Variants in CPNE4 observed in about 807,000 individuals in gnomAD.
CPNE4 encodes the protein copine 4, also known as copine-4.
A neutral mutation model predicts 67.9 loss-of-function variants in CPNE4; 25 were observed. The ratio of observed to expected loss-of-function variants is 0.37; its 90% CI spans 0.27 to 0.51. CPNE4 has a LOEUF of 0.51. Among genes scored for constraint, CPNE4 ranks in the 20% least tolerant of loss-of-function variants. The pLI, the probability that CPNE4 is intolerant of heterozygous loss-of-function variation, is 0.93. For synonymous variants in CPNE4, 242 were observed against 244.9 expected (o/e 0.99, Z 0.11); for missense variants, 464 against 690.8 (o/e 0.67, Z 3.68).
chr3:131,778,678 A>G (rs1477153197), intron 2 of CPNE4, among the ~76,000 whole-genome samples: 1 of 152,080 alleles, frequency 6.6e-6, no homozygotes, highest in African/African-American at 2.4e-5. Flanking sequence ...GGTAGCCCAG[A>G]CACTGTGAAC....
chr3:131,615,899 A>T (rs1462354658), intron 7 of CPNE4, among the ~76,000 whole-genome samples: 12 of 99,198 alleles, frequency 1.2e-4, no homozygotes, highest in Admixed American at 2.6e-4. Context: ...TCTCACACAC[A>T]CACACACACA....
chr3:131,726,159 A>C (rs968775450), intron 2 of CPNE4, among the ~76,000 whole-genome samples: 1 of 152,230 alleles, frequency 6.6e-6, no homozygotes, highest in African/African-American at 2.4e-5. Flanking sequence ...CAGGTGATGG[A>C]AACTCTAGTC....
At chr3:131,702,146 T>C (rs746128484) in intron 3 of CPNE4, among the ~76,000 whole-genome samples, 1 of 152,102 alleles carries the variant, frequency 6.6e-6, no homozygotes, top group Non-Finnish European at 1.5e-5. Context: ...AGAGAAAATA[T>C]TTCTGTAAAA....
At chr3:131,774,339 GAA>G (rs5852644) in intron 2 of CPNE4, among the ~76,000 whole-genome samples, 25 of 143,652 alleles carry the variant, frequency 1.7e-4, no homozygotes, top group African/African-American at 5.7e-4. Flanking sequence ...AAAACGGTAA[GAA>G]AAAAAAAAAA....
chr3:131,617,539 A>T (rs1940224772), intron 7 of CPNE4, among the ~76,000 whole-genome samples: 1 of 152,218 alleles, frequency 6.6e-6, no homozygotes, highest in African/African-American at 2.4e-5. Context: ...TTCAATAAAT[A>T]ATTTATTTGA....
Position 131,905,147 on chromosome 3 carries a change from T to A in CPNE4, c.180+117A>T. 9 of 886,568 alleles carry A rather than the reference T, an allele frequency of 1.0e-5. No homozygotes were observed. The South Asian group carries it at 1.5e-4, about 15-fold the overall frequency. The allele number at this position is 886,568 out of a possible 1,614,324, so 54.9% of individuals were successfully genotyped here. A position where few individuals can be genotyped will look rare whatever the true frequency, so the allele number is the denominator to read the frequency against. On this transcript the variant is annotated intron_variant, in intron 2 of 15. Transcript: ENST00000429747. Reference sequence around the variant, plus strand: ...ACATCATGATAGAAATGTGATCATATTCACTTCTCAAATTTCTTATTTCAT... The same window carrying A: ...ACATCATGATAGAAATGTGATCATAATCACTTCTCAAATTTCTTATTTCAT...
At chr3:131,821,341 G>A (rs979339743) in intron 2 of CPNE4, among the ~76,000 whole-genome samples, 25 of 152,314 alleles carry the variant, frequency 1.6e-4, no homozygotes, top group Non-Finnish European at 3.5e-4. Flanking sequence ...AGAAGGCTGG[G>A]GAAATGAGTT....
intron 7 of CPNE4, among the ~76,000 whole-genome samples, chr3:131,642,588 A>T (rs976981248): frequency 1.3e-5 from 2 of 152,210 alleles, no homozygotes; most frequent in Non-Finnish European, 2.9e-5. Flanking sequence ...TGTAGTTCCC[A>T]TAATCCCCAC....
intron 2 of CPNE4, among the ~76,000 whole-genome samples, chr3:131,902,568 T>A (rs1374634195): frequency 6.6e-6 from 1 of 152,128 alleles, no homozygotes; most frequent in African/African-American, 2.4e-5. Context: ...TTATGCAGCT[T>A]TGAAATTACA....
At chr3:131,701,136 C>T (rs1463427738) in intron 3 of CPNE4, among the ~76,000 whole-genome samples, 1 of 150,818 alleles carries the variant, frequency 6.6e-6, no homozygotes, top group Non-Finnish European at 1.5e-5. Context: ...GGAGATATAC[C>T]TAATGTAAAT....
At chr3:131,614,795 A>T (rs1361627868) in intron 7 of CPNE4, among the ~76,000 whole-genome samples, 2 of 152,228 alleles carry the variant, frequency 1.3e-5, no homozygotes, top group Non-Finnish European at 1.5e-5. Flanking sequence ...CCTCACTCAG[A>T]ACTAACTAGA....
At chr3:131,682,890 C>T (rs887948975) in intron 6 of CPNE4, among the ~76,000 whole-genome samples, 1 of 152,012 alleles carries the variant, frequency 6.6e-6, no homozygotes, top group Non-Finnish European at 1.5e-5. Context: ...TTTCCACAAG[C>T]AGAGTAGCCT....
chr3:131,778,917 A>T (rs375598852), intron 2 of CPNE4, among the ~76,000 whole-genome samples: 2 of 152,090 alleles, frequency 1.3e-5, no homozygotes, highest in African/African-American at 4.8e-5. Flanking sequence ...ATACTATATG[A>T]TACTATACCT....
intron 2 of CPNE4, among the ~76,000 whole-genome samples, chr3:131,853,773 C>A (rs2086329852): frequency 6.6e-6 from 1 of 151,714 alleles, no homozygotes; most frequent in Admixed American, 6.6e-5. Flanking sequence ...TGTATAGTAA[C>A]CGATAAGTAC....
intron 2 of CPNE4, among the ~76,000 whole-genome samples, chr3:131,848,825 T>C (rs1231482418): frequency 6.6e-6 from 1 of 151,744 alleles, no homozygotes; most frequent in East Asian, 1.9e-4. Flanking sequence ...GATGCAGGTG[T>C]TCTGAAAAAT....
rs79289544 is a variant in CPNE4, at chr3:131,832,127, A to C, written c.180+73137T>G. ...AGCTTATACTTTGTAATTGACATTA[A>C]TATTAAAATGTCATTATAGCTTTAG... On this transcript the variant is annotated intron_variant, in intron 2 of 15. Coordinates refer to ENST00000429747, the MANE Select transcript of CPNE4 (RefSeq NM_130808.3). Among the ~76,000 whole-genome samples, 1,354 of 152,310 alleles carry C rather than the reference A, an allele frequency of 8.9e-3. 18 individuals carry two copies. Among genetic ancestry groups the C allele is most frequent in the African/African-American group, 0.03 (1,250 of 41,562 alleles).
At chr3:131,989,858 A>G (rs2073136823) in intron 1 of CPNE4, among the ~76,000 whole-genome samples, 1 of 136,154 alleles carries the variant, frequency 7.3e-6, no homozygotes, top group African/African-American at 2.5e-5. Flanking sequence ...TGGTGAGACC[A>G]GGGTGAGCAA....
At chr3:131,618,399 A>C in intron 7 of CPNE4, among the ~76,000 whole-genome samples, 1 of 152,274 alleles carries the variant, frequency 6.6e-6, no homozygotes, top group East Asian at 1.9e-4. Context: ...TTTTGTGGGG[A>C]GAATATTACA....
chr3:131,703,724 A>AT (rs143546240), intron 3 of CPNE4, among the ~76,000 whole-genome samples: 1 of 151,934 alleles, frequency 6.6e-6, no homozygotes, highest in Admixed American at 6.6e-5. Flanking sequence ...TATTTTCAGA[A>AT]TTTTTTTTAT....
Sources: gnomAD v4.1 joint callset for allele counts (sites outside exome capture counted in the v4.1 genomes callset) on GRCh38, gnomAD v4.1.1 for gene constraint, MANE v1.5 for transcripts, NCBI Gene and HGNC (gene_info 2026-07-23, HGNC 2026-07-21) for gene names.